Variants in JARID2 observed in about 807,000 individuals in gnomAD.
JARID2 encodes the protein jumonji and AT-rich interaction domain containing 2.
A neutral mutation model predicts 125.6 loss-of-function variants in JARID2; 21 were observed. That is an observed-to-expected ratio of 0.17 (90% CI 0.12 to 0.24). The LOEUF (loss-of-function observed/expected upper bound fraction) is 0.24. JARID2 is among the 10% of genes least tolerant of loss of function. The pLI, the probability that JARID2 is intolerant of heterozygous loss-of-function variation, is 1.00. For missense variants in JARID2, 1,303 were observed against 1,639.6 expected, an observed-to-expected ratio of 0.79 and a Z score of 3.55; for synonymous variants, 736 against 661.6, an observed-to-expected ratio of 1.11 and a Z score of -1.73.
intron 5 of JARID2, among the ~76,000 whole-genome samples, chr6:15,484,562 C>G (rs1426790026): frequency 6.6e-6 from 1 of 152,172 alleles, no homozygotes; most frequent in Non-Finnish European, 1.5e-5. Flanking sequence ...ATACTGTGTA[C>G]CTACTGAACC....
intron 3 of JARID2, among the ~76,000 whole-genome samples, chr6:15,423,635 T>G (rs1263169760): frequency 1.3e-5 from 2 of 152,164 alleles, no homozygotes; most frequent in Admixed American, 1.3e-4. Context: ...ACTACCTAGA[T>G]CAGGATAATT....
At chr6:15,408,710 A>G (rs565483481) in intron 2 of JARID2, among the ~76,000 whole-genome samples, 5 of 152,256 alleles carry the variant, frequency 3.3e-5, no homozygotes, top group Non-Finnish European at 7.3e-5. Flanking sequence ...ATTAAGTAAA[A>G]TTAAAATTTA....
At chr6:15,454,112 G>A (rs553985946) in intron 4 of JARID2, among the ~76,000 whole-genome samples, 19 of 152,236 alleles carry the variant, frequency 1.2e-4, no homozygotes, top group African/African-American at 4.6e-4. Flanking sequence ...GAGGAACTTG[G>A]CTCCTGTAAT....
intron 1 of JARID2, among the ~76,000 whole-genome samples, chr6:15,262,808 C>T (rs1759934123): frequency 6.6e-6 from 1 of 152,102 alleles, no homozygotes; most frequent in African/African-American, 2.4e-5. Context: ...GATTTATAGG[C>T]GTGAGCCACC....
At chr6:15,483,248 A>G (rs1317657009) in intron 5 of JARID2, among the ~76,000 whole-genome samples, 2 of 152,218 alleles carry the variant, frequency 1.3e-5, no homozygotes, top group Non-Finnish European at 2.9e-5. Context: ...AGAGATGATC[A>G]TTGTATTTCT....
chr6:15,334,595 T>C (rs1201249121), intron 1 of JARID2, among the ~76,000 whole-genome samples: 3 of 152,226 alleles, frequency 2.0e-5, no homozygotes, highest in Non-Finnish European at 4.4e-5. Context: ...TTTGCTGTTT[T>C]CCATTGCGCT....
chr6:15,327,555 G>C (rs1204440175), intron 1 of JARID2, among the ~76,000 whole-genome samples: 1 of 133,246 alleles, frequency 7.5e-6, no homozygotes, highest in South Asian at 2.6e-4. Flanking sequence ...GTGTGTGCGC[G>C]TGTGTGTGCG....
intron 2 of JARID2, among the ~76,000 whole-genome samples, chr6:15,374,458 G>A (rs888914357): frequency 6.6e-6 from 1 of 152,158 alleles, no homozygotes; most frequent in African/African-American, 2.4e-5. Flanking sequence ...GTTATATAGT[G>A]GACAAAATAC....
chr6:15,506,989 G>T, intron 9 of JARID2, 147 bp from the exon 10 acceptor site: 1 of 624,096 alleles, frequency 1.6e-6, no homozygotes, highest in South Asian at 1.9e-5. Context: ...CTGCATTAGC[G>T]TCCTGCTGGA....
chr6:15,332,930 C>CTTT (rs1319288795), intron 1 of JARID2, among the ~76,000 whole-genome samples: 64 of 82,792 alleles, frequency 7.7e-4, no homozygotes, highest in African/African-American at 2.6e-3. Context: ...CTTTTCTTTT[C>CTTT]TTTTCTTTTT....
chr6:15,449,046 C>A (rs1767797573), intron 3 of JARID2, among the ~76,000 whole-genome samples: 1 of 152,030 alleles, frequency 6.6e-6, no homozygotes, highest in Non-Finnish European at 1.5e-5. Context: ...TGCTCCTCAT[C>A]TGTGATAGAT....
chr6:15,468,616 G>A lies in JARID2; in HGVS notation c.568G>A (p.Asp190Asn). 1 of 1,614,176 alleles carries A rather than the reference G, an allele frequency of 6.2e-7. No homozygotes were observed. The highest frequency in any genetic ancestry group is 8.5e-7 in the Non-Finnish European group (1 of 1,180,032). Residue 190 changes from aspartate to asparagine, a missense_variant, in exon 5 of 18, where the codon GAT becomes AAT. Around this residue, in one of 11 missense-constraint regions of JARID2, gnomAD observed 651 missense variants for 581.6 expected, o/e 1.12. Transcript: ENST00000341776. ...QDEEEVEEED[D>N]ETEDVKTATN... ...TGAGGAGGAAGTCGAGGAGGAAGATGATGAGACAGAAGACGTCAAAACAGC... is the reference window on the plus strand; with the variant it reads ...TGAGGAGGAAGTCGAGGAGGAAGATAATGAGACAGAAGACGTCAAAACAGC...
intron 8 of JARID2, 66 bp from the exon 9 acceptor site, chr6:15,504,434 C>T: frequency 1.7e-6 from 2 of 1,202,890 alleles, no homozygotes; most frequent in Middle Eastern, 1.9e-4. Flanking sequence ...TGACAGGTGT[C>T]TGGCCTCATT....
chr6:15,512,507 GA>G (rs1451406310), intron 14 of JARID2, 117 bp downstream of exon 14: 2 of 964,586 alleles, frequency 2.1e-6, no homozygotes, highest in Non-Finnish European at 3.2e-6. Context: ...GTTCCTTTTG[GA>G]ATATGTCTTT....
intron 3 of JARID2, among the ~76,000 whole-genome samples, chr6:15,433,422 G>GTGTGTGTGTGTGTGTGTGTGTGTT (rs1767055602): frequency 9.6e-6 from 1 of 104,158 alleles, no homozygotes; most frequent in Non-Finnish European, 2.2e-5. Context: ...GTGTGTGTGT[G>GTGTGTGTGTGTGTGTGTGTGTGTT]TGTGTGTGTG....
chr6:15,415,688 G>T (rs1319686253), intron 3 of JARID2, among the ~76,000 whole-genome samples: 2 of 146,228 alleles, frequency 1.4e-5, no homozygotes, highest in East Asian at 2.1e-4. Context: ...CTGGCCGGGC[G>T]GGGGGCTGAC....
intron 4 of JARID2, among the ~76,000 whole-genome samples, chr6:15,462,570 T>C (rs1768502701): frequency 6.6e-6 from 1 of 152,240 alleles, no homozygotes; most frequent in Non-Finnish European, 1.5e-5. Context: ...GAAGTTTTGT[T>C]TCTTAATTTG....
intron 1 of JARID2, among the ~76,000 whole-genome samples, chr6:15,306,617 C>T (rs1281569602): frequency 1.3e-5 from 2 of 151,862 alleles, no homozygotes; most frequent in South Asian, 4.1e-4. Flanking sequence ...GGATTACAGG[C>T]GTGAGTCACC....
chr6:15,513,486 GC>G, intron 16 of JARID2, 64 bp downstream of exon 16: 1 of 1,469,312 alleles, frequency 6.8e-7, no homozygotes, highest in Non-Finnish European at 9.2e-7. Context: ...CTCCGGGGTT[GC>G]CCCCAGAAGA....
Sources: allele counts gnomAD v4.1 joint callset (sites outside exome capture counted in the v4.1 genomes callset), GRCh38; gene constraint gnomAD v4.1.1; regional missense constraint gnomAD v4.1.1; transcripts MANE v1.5; gene names NCBI Gene and HGNC (gene_info 2026-07-23, HGNC 2026-07-21).